The following DOCK5 variants were observed in gnomAD, a reference collection of about 807,000 sequenced individuals.
The protein encoded by DOCK5 is dedicator of cytokinesis 5.
Under a neutral mutation model 251.8 loss-of-function variants are expected in DOCK5, and 142 were observed. The observed-to-expected ratio is 0.56, with a 90% CI of 0.49 to 0.65. The LOEUF is 0.65. DOCK5 is among the 30% of genes least tolerant of loss of function. The probability of loss-of-function intolerance (pLI) is 0.00; values close to 1 mark genes in which losing one functional copy is unlikely to be tolerated. For missense variants in DOCK5, 2,111 were observed against 2,312.3 expected, an observed-to-expected ratio of 0.91 and a Z score of 1.79; for synonymous variants, 842 against 835.5, an observed-to-expected ratio of 1.01 and a Z score of -0.13.
chr8:25,315,217 C>T (rs1654286899), intron 13 of DOCK5, among the ~76,000 whole-genome samples: 2 of 150,630 alleles, frequency 1.3e-5, no homozygotes, highest in Middle Eastern at 6.8e-3. Flanking sequence ...CAGACACCCC[C>T]TCACTGTGAG....
intron 4 of DOCK5, 64 bp from the exon 5 acceptor site, chr8:25,278,505 C>A (rs909701520): frequency 5.8e-5 from 87 of 1,504,766 alleles, no homozygotes; most frequent in Non-Finnish European, 7.3e-5. Context: ...GAAGTCTGAT[C>A]CCCATCAAGT....
intron 13 of DOCK5, among the ~76,000 whole-genome samples, chr8:25,315,385 G>C (rs1308682605): frequency 6.6e-6 from 1 of 152,036 alleles, no homozygotes; most frequent in Non-Finnish European, 1.5e-5. Context: ...CATTGCTAAT[G>C]GTGGGTTTAC....
intron 6 of DOCK5, 51 bp downstream of exon 6, chr8:25,292,223 A>G (rs1804510622): frequency 3.3e-6 from 5 of 1,499,430 alleles, no homozygotes; most frequent in Non-Finnish European, 3.6e-6. Flanking sequence ...AACAGTGGGC[A>G]TGTTCACGCT....
intron 19 of DOCK5, 40 bp downstream of exon 19, chr8:25,332,388 CAT>C (rs1563204850): frequency 1.4e-6 from 2 of 1,474,332 alleles, no homozygotes; most frequent in Non-Finnish European, 1.9e-6. Context: ...CACATACCTA[CAT>C]ATATATACCT....
At chr8:25,365,792 G>T (rs1327406075) in intron 30 of DOCK5, among the ~76,000 whole-genome samples, 1 of 152,190 alleles carries the variant, frequency 6.6e-6, no homozygotes, top group Admixed American at 6.5e-5. Flanking sequence ...TAGGAAGTCA[G>T]TGTGAATTGG....
intron 5 of DOCK5, 35 bp from the exon 6 acceptor site, chr8:25,291,989 A>G (rs1337981211): frequency 6.6e-7 from 1 of 1,509,594 alleles, no homozygotes; most frequent in African/African-American, 1.4e-5. Flanking sequence ...ACCTTTTTCT[A>G]AGAATCTTTT....
At chr8:25,261,664 T>G (rs1389149068) in intron 2 of DOCK5, among the ~76,000 whole-genome samples, 1 of 152,220 alleles carries the variant, frequency 6.6e-6, no homozygotes, top group Non-Finnish European at 1.5e-5. Flanking sequence ...TACAATTCAA[T>G]GTGTTTTATC....
intron 2 of DOCK5, among the ~76,000 whole-genome samples, chr8:25,268,614 G>C (rs1803825665): frequency 6.6e-6 from 1 of 152,052 alleles, no homozygotes; most frequent in African/African-American, 2.4e-5. Flanking sequence ...ATGAGGCTAG[G>C]TTCTAAGTGA....
intron 41 of DOCK5, 31 bp downstream of exon 41, chr8:25,389,263 G>C: frequency 1.2e-6 from 2 of 1,605,162 alleles, no homozygotes; most frequent in Non-Finnish European, 1.7e-6. Flanking sequence ...ATGGCCCCGA[G>C]GCTCTTATGG....
intron 7 of DOCK5, among the ~76,000 whole-genome samples, chr8:25,297,901 T>TA (rs1319696192): frequency 6.6e-6 from 1 of 151,782 alleles, no homozygotes; most frequent in Non-Finnish European, 1.5e-5. Flanking sequence ...AAAAATTTTT[T>TA]AAAAAATTAG....
intron 36 of DOCK5, 78 bp downstream of exon 36, chr8:25,373,736 T>C: frequency 7.2e-7 from 1 of 1,384,080 alleles, no homozygotes; most frequent in East Asian, 2.5e-5. Flanking sequence ...ACAAATACTT[T>C]CCCAACACCG....
intron 14 of DOCK5, among the ~76,000 whole-genome samples, chr8:25,318,985 C>T (rs1805346524): frequency 6.6e-6 from 1 of 152,122 alleles, no homozygotes; most frequent in Non-Finnish European, 1.5e-5. Context: ...TATGAAAGTG[C>T]TTTATTTGTG....
intron 22 of DOCK5, among the ~76,000 whole-genome samples, chr8:25,337,385 T>C (rs1187021636): frequency 2.0e-5 from 3 of 151,788 alleles, no homozygotes; most frequent in Non-Finnish European, 4.4e-5. Context: ...TAGAAATAGA[T>C]AGTCTGAATA....
intron 12 of DOCK5, 29 bp downstream of exon 12, chr8:25,308,954 A>T (rs1563196949): frequency 6.6e-7 from 1 of 1,525,306 alleles, no homozygotes; most frequent in Non-Finnish European, 9.0e-7. Flanking sequence ...GCTGGGAGGG[A>T]CTCTGCTGAG....
intron 2 of DOCK5, among the ~76,000 whole-genome samples, chr8:25,251,383 G>A (rs1803264392): frequency 6.6e-6 from 1 of 151,626 alleles, no homozygotes; most frequent in African/African-American, 2.4e-5. Context: ...GAGGAAACAG[G>A]CAAACCTGAA....
At chr8:25,384,761 A>G (rs1424182035) in intron 40 of DOCK5, among the ~76,000 whole-genome samples, 3 of 151,582 alleles carry the variant, frequency 2.0e-5, no homozygotes, top group Non-Finnish European at 4.4e-5. Flanking sequence ...TGCCCAGCCT[A>G]TGTCTTAATA....
rs555241466 is a variant in DOCK5 at position 25,265,532 on chromosome 8, A to G, written c.128-3313A>G. ...GTCACCGTATCTAAAATAATGTGCC[A>G]TGTTACCAACCATTCTCTGCCATAT... On this transcript the variant is annotated intron_variant, in intron 2 of 51. Coordinates refer to ENST00000276440, the MANE Select transcript of DOCK5 (RefSeq NM_024940.8). 6.1e-4 allele frequency among the ~76,000 whole-genome samples: 92 copies of G among 151,946 alleles called. 5 individuals carry two copies. Among genetic ancestry groups the G allele is most frequent in the African/African-American group, 2.0e-3 (83 of 41,254 alleles).
intron 6 of DOCK5, among the ~76,000 whole-genome samples, chr8:25,294,840 A>C (rs1237429899): frequency 6.6e-6 from 1 of 152,176 alleles, no homozygotes; most frequent in Non-Finnish European, 1.5e-5. Context: ...CACGTCTTAC[A>C]TGGCCAGAGC....
At chr8:25,409,358 T>A (rs1470852692) in intron 50 of DOCK5, 2 of 197,046 alleles carry the variant, frequency 1.0e-5, no homozygotes, top group Admixed American at 1.0e-4. Flanking sequence ...GTACCCATAG[T>A]CCAGAGGCAT....
Sources: gnomAD v4.1 joint callset for allele counts (sites outside exome capture counted in the v4.1 genomes callset) on GRCh38, gnomAD v4.1.1 for gene constraint, MANE v1.5 for transcripts, NCBI Gene and HGNC (gene_info 2026-07-23, HGNC 2026-07-21) for gene names.